FOXN1: variants seen among roughly 807,000 people sequenced by gnomAD.
FOXN1 encodes forkhead box protein N1.
A neutral mutation model predicts 49.0 loss-of-function variants in FOXN1; 15 were observed. The ratio of observed to expected loss-of-function variants is 0.31; its 90% CI spans 0.20 to 0.47. The LOEUF (loss-of-function observed/expected upper bound fraction) is 0.47. Among genes scored for constraint, FOXN1 ranks in the 20% least tolerant of loss-of-function variants. FOXN1 has a pLI of 1.00. For missense variants in FOXN1, 800 were observed against 842.8 expected (o/e 0.95, Z 0.63); for synonymous variants, 356 against 369.0 (o/e 0.96, Z 0.40).
chr17:28,523,812 C>CA, intron 1 of FOXN1, 144 bp from the exon 2 acceptor site: 1 of 630,826 alleles, frequency 1.6e-6, no homozygotes, highest in Non-Finnish European at 2.9e-6. Context: ...CTCTCTCTCT[C>CA]TCTCTCTCTC....
intron 3 of FOXN1, among the ~76,000 whole-genome samples, chr17:28,526,423 G>A (rs767148985): frequency 9.2e-5 from 14 of 152,302 alleles, no homozygotes; most frequent in Admixed American, 5.2e-4. Flanking sequence ...AGTGCAATCC[G>A]CCTCCTCCAG....
chr17:28,507,462 C>T (rs1372302185), intron 1 of FOXN1, among the ~76,000 whole-genome samples: 1 of 152,176 alleles, frequency 6.6e-6, no homozygotes, highest in African/African-American at 2.4e-5. Context: ...GGGACCCGGG[C>T]GGAGGGGCTC....
chr17:28,514,277 T>C (rs550059591), intron 1 of FOXN1, among the ~76,000 whole-genome samples: 1 of 152,104 alleles, frequency 6.6e-6, no homozygotes, highest in African/African-American at 2.4e-5. Flanking sequence ...CTGGGGGACA[T>C]GGTGGCTTTT....
At chr17:28,519,091 G>A (rs1180634065) in intron 1 of FOXN1, among the ~76,000 whole-genome samples, 1 of 152,168 alleles carries the variant, frequency 6.6e-6, no homozygotes, top group Admixed American at 6.5e-5. Context: ...TGGCTCTCAT[G>A]AGCCCTTGCC....
At chr17:28,518,854 T>C (rs938332107) in intron 1 of FOXN1, among the ~76,000 whole-genome samples, 4 of 152,152 alleles carry the variant, frequency 2.6e-5, no homozygotes, top group Non-Finnish European at 5.9e-5. Context: ...ATTTCTTCTC[T>C]CTGGGCCTCA....
chr17:28,527,430 G>A, intron 4 of FOXN1, 69 bp downstream of exon 4: 1 of 876,842 alleles, frequency 1.1e-6, no homozygotes, highest in Non-Finnish European at 1.9e-6. Context: ...TGTGGTGTGT[G>A]GGTGTCTATG....
chr17:28,537,560 C>A lies in FOXN1; in HGVS notation c.*124C>A. 2 of 769,352 alleles carry A rather than the reference C, an allele frequency of 2.6e-6. No homozygotes were observed. Among genetic ancestry groups the A allele is most frequent in the East Asian group, 2.7e-5 (1 of 37,450 alleles). The allele number at this position is 769,352 out of a possible 1,614,324, so 47.7% of individuals were successfully genotyped here. On this transcript the variant is annotated 3_prime_UTR_variant, in exon 9 of 9. Transcript: ENST00000579795. ...CTACCTGTCCCCTATGCCACTAAGC[C>A]AACGTGTGTGTCAGCTGGTAGCTGG...
At chr17:28,536,204 G>A (rs1223210212) in intron 8 of FOXN1, among the ~76,000 whole-genome samples, 1 of 152,236 alleles carries the variant, frequency 6.6e-6, no homozygotes, top group African/African-American at 2.4e-5. Flanking sequence ...GACAACCCAG[G>A]TTTAGGAAGC....
At chr17:28,516,170 C>T (rs909450309) in intron 1 of FOXN1, among the ~76,000 whole-genome samples, 2 of 151,328 alleles carry the variant, frequency 1.3e-5, no homozygotes, top group Non-Finnish European at 3.0e-5. Context: ...TCCATACCTC[C>T]ACAGGGTACA....
In FOXN1 at chr17:28,523,856, G is replaced by A. The variant is rs925737875; in HGVS notation, c.-14-100G>A. On this transcript the variant is annotated intron_variant, in intron 1 of 8. Coordinates refer to ENST00000579795, the MANE Select transcript of FOXN1 (RefSeq NM_001369369.1). Reference sequence around the variant, plus strand: ...TCATCAGATGGCTGACTGGAGGCAGGGTCCCAGCCCAAGGATGGGGTTGGG... The same window carrying A: ...TCATCAGATGGCTGACTGGAGGCAGAGTCCCAGCCCAAGGATGGGGTTGGG... 1.9e-4 allele frequency: 192 copies of A among 1,004,200 alleles called. 1 individual carries two copies. The highest frequency in any genetic ancestry group is 2.9e-4 in the Non-Finnish European group (186 of 632,754). 62.2% of individuals were successfully genotyped at this position (1,004,200 alleles called of 1,614,324 possible).
chr17:28,509,118 A>T (rs782442748), intron 1 of FOXN1, among the ~76,000 whole-genome samples: 4 of 151,880 alleles, frequency 2.6e-5, no homozygotes, highest in Admixed American at 6.6e-5. Flanking sequence ...CCTCTGGGAG[A>T]GGGCCTCCCA....
At position 28,527,428 on chromosome 17, in the gene FOXN1, G is replaced by A; in HGVS notation, c.699+67G>A. 3 of 896,864 alleles carry A rather than the reference G, an allele frequency of 3.3e-6. No individual in the cohort carries two copies. The South Asian group carries it at 4.1e-5, about 12-fold the overall frequency. The allele number at this position is 896,864 out of a possible 1,614,324, so 55.6% of individuals were successfully genotyped here. ...GATATCGTGTGTGTGTATGTGGTGT[G>A]TGGGTGTCTATGTGATGGCATGTGT... On this transcript the variant is annotated intron_variant, in intron 4 of 8. Coordinates refer to ENST00000579795, the MANE Select transcript of FOXN1 (RefSeq NM_001369369.1).
rs565476230 is a variant in FOXN1, at chr17:28,538,191, G to A, written c.*755G>A. ...CGGGCACCAAACTGAGCCCAATTCC[G>A]AAGCAGTGTTTGGAAAAGCCCTTGC... On this transcript the variant is annotated 3_prime_UTR_variant, in exon 9 of 9. Coordinates refer to ENST00000579795, the MANE Select transcript of FOXN1 (RefSeq NM_001369369.1). The A allele has an allele frequency of 3.3e-5, 5 of 152,264 alleles. No individual in the cohort carries two copies. Among genetic ancestry groups the A allele is most frequent in the East Asian group, 3.9e-4 (2 of 5,168 alleles). 9.4% of individuals were successfully genotyped at this position (152,264 alleles called of 1,614,324 possible).
intron 1 of FOXN1, among the ~76,000 whole-genome samples, chr17:28,514,130 G>A (rs994421837): frequency 9.2e-5 from 14 of 152,162 alleles, no homozygotes; most frequent in African/African-American, 1.7e-4. Flanking sequence ...CAGGATGGGC[G>A]TACTAGGCAA....
chr17:28,523,760 A>G (rs886502072), intron 1 of FOXN1, among the ~76,000 whole-genome samples, 196 bp from the exon 2 acceptor site: 1 of 145,316 alleles, frequency 6.9e-6, no homozygotes, highest in African/African-American at 2.6e-5. Flanking sequence ...TGCTTTTCCA[A>G]ACTATTTCTC....
At chr17:28,511,937 G>A (rs529745846) in intron 1 of FOXN1, among the ~76,000 whole-genome samples, 19 of 152,264 alleles carry the variant, frequency 1.2e-4, no homozygotes, top group South Asian at 6.2e-4. Flanking sequence ...GCCAATCACT[G>A]CCACAGCCCA....
At chr17:28,521,025 G>A (rs543730678) in intron 1 of FOXN1, among the ~76,000 whole-genome samples, 2 of 152,336 alleles carry the variant, frequency 1.3e-5, no homozygotes, top group Admixed American at 6.5e-5. Flanking sequence ...AGCCACACTT[G>A]GCCAGCAGTG....
intron 1 of FOXN1, among the ~76,000 whole-genome samples, chr17:28,520,259 G>T (rs886076661): frequency 1.3e-5 from 2 of 152,204 alleles, no homozygotes; most frequent in African/African-American, 4.8e-5. Flanking sequence ...CCAGGTTCCT[G>T]CAGTGAGCCC....
chr17:28,508,600 C>T (rs186758672), intron 1 of FOXN1, among the ~76,000 whole-genome samples: 1 of 152,272 alleles, frequency 6.6e-6, no homozygotes, highest in Admixed American at 6.5e-5. Context: ...CCAGCAGAAC[C>T]CCCATTGCCT....
Sources: gnomAD v4.1 joint callset for allele counts (sites outside exome capture counted in the v4.1 genomes callset) on GRCh38, gnomAD v4.1.1 for gene constraint, MANE v1.5 for transcripts, NCBI Gene and HGNC (gene_info 2026-07-23, HGNC 2026-07-21) for gene names.